The following ELAVL2 variants were observed in gnomAD, a reference collection of about 807,000 sequenced individuals.
ELAVL2 encodes ELAV like RNA binding protein 2, also known as ELAV-like protein 2.
ELAVL2 carries 4 observed loss-of-function variants against 34.6 expected under a neutral mutation model. The ratio of observed to expected loss-of-function variants is 0.12; its 90% CI spans 0.06 to 0.26. The LOEUF (loss-of-function observed/expected upper bound fraction) is 0.26. Among genes scored for constraint, ELAVL2 ranks in the 10% least tolerant of loss-of-function variants. The probability of loss-of-function intolerance (pLI) is 1.00; values close to 1 mark genes in which losing one functional copy is unlikely to be tolerated. For synonymous variants in ELAVL2, 193 were observed against 154.8 expected, an observed-to-expected ratio of 1.25 and a Z score of -1.83; for missense variants, 432 against 442.8, an observed-to-expected ratio of 0.98 and a Z score of 0.22.
chr9:23,819,428 G>C (rs2064206452), intron 1 of ELAVL2, among the ~76,000 whole-genome samples: 1 of 152,166 alleles, frequency 6.6e-6, no homozygotes. Flanking sequence ...TTGACACTGA[G>C]TGTCAAAAGA....
chr9:23,834,565 G>T, the ELAVL2 span, among the ~76,000 whole-genome samples: 1 of 151,944 alleles, frequency 6.6e-6, no homozygotes, highest in African/African-American at 2.4e-5. Flanking sequence ...TCAATAGATG[G>T]TAACTACAAT....
At chr9:23,757,607 C>T (rs1278899172) in intron 2 of ELAVL2, among the ~76,000 whole-genome samples, 1 of 151,448 alleles carries the variant, frequency 6.6e-6, no homozygotes, top group Non-Finnish European at 1.5e-5. Context: ...TCAAGGACTC[C>T]CAAGTGCATT....
At chr9:23,821,946 C>T (rs1250073378) in intron 1 of ELAVL2, 3 of 151,410 alleles carry the variant, frequency 2.0e-5, no homozygotes, top group Non-Finnish European at 4.4e-5. Context: ...CGTGCCCTGC[C>T]CGACCGCCCT....
chr9:23,784,754 C>T (rs2059482123), intron 1 of ELAVL2, among the ~76,000 whole-genome samples: 2 of 152,186 alleles, frequency 1.3e-5, no homozygotes, highest in African/African-American at 4.8e-5. Context: ...CAACCTGTAA[C>T]TCCCATTACA....
intron 1 of ELAVL2, among the ~76,000 whole-genome samples, chr9:23,808,060 A>C (rs1182905161): frequency 2.0e-5 from 3 of 152,156 alleles, no homozygotes; most frequent in African/African-American, 4.8e-5. Flanking sequence ...CTAGGACTCA[A>C]AGTTCACCAT....
chr9:23,738,196 T>C (rs2048337841), intron 2 of ELAVL2, among the ~76,000 whole-genome samples: 1 of 152,226 alleles, frequency 6.6e-6, no homozygotes, highest in Non-Finnish European at 1.5e-5. Flanking sequence ...ATATCTCAGA[T>C]CTGATACACA....
chr9:23,699,866 T>C (rs2036594082), intron 5 of ELAVL2, among the ~76,000 whole-genome samples: 1 of 140,520 alleles, frequency 7.1e-6, no homozygotes, highest in African/African-American at 2.7e-5. Context: ...ACCAATGCCT[T>C]TTCCTCACAG....
At chr9:23,747,274 G>T (rs560877932) in intron 2 of ELAVL2, among the ~76,000 whole-genome samples, 4 of 152,222 alleles carry the variant, frequency 2.6e-5, no homozygotes, top group African/African-American at 7.2e-5. Context: ...GCAGGAAGGT[G>T]CAAAATTTAA....
intron 1 of ELAVL2, among the ~76,000 whole-genome samples, chr9:23,773,469 T>G (rs1451408774): frequency 6.6e-6 from 1 of 152,152 alleles, no homozygotes; most frequent in Non-Finnish European, 1.5e-5. Flanking sequence ...AAAGCACATT[T>G]GAAACGAACG....
At chr9:23,811,317 G>C (rs3793597) in intron 1 of ELAVL2, among the ~76,000 whole-genome samples, 5 of 149,696 alleles carry the variant, frequency 3.3e-5, no homozygotes, top group South Asian at 2.1e-4. Flanking sequence ...CAAGCTGTTC[G>C]ATCACCTTTC....
At chr9:23,809,983 C>G (rs950862570) in intron 1 of ELAVL2, among the ~76,000 whole-genome samples, 4 of 152,154 alleles carry the variant, frequency 2.6e-5, no homozygotes, top group Middle Eastern at 3.4e-3. Flanking sequence ...CCATTTTTTT[C>G]TCAGAACAAA....
At chr9:23,735,125 A>AAAAAAAAAAAAAAAAAAAAAAAAAAAC (rs2047547515) in intron 2 of ELAVL2, 1 of 148,230 alleles carries the variant, frequency 6.7e-6, no homozygotes, top group African/African-American at 2.5e-5. Flanking sequence ...AAAAAAAAAA[A>AAAAAAAAAAAAAAAAAAAAAAAAAAAC]AAGCCCTTAA....
At chr9:23,707,462 T>G (rs1407347538) in intron 3 of ELAVL2, among the ~76,000 whole-genome samples, 1 of 152,116 alleles carries the variant, frequency 6.6e-6, no homozygotes, top group Non-Finnish European at 1.5e-5. Context: ...GTACTCCCAT[T>G]ATGAACAGCC....
intron 1 of ELAVL2, among the ~76,000 whole-genome samples, chr9:23,816,340 AAAAAAAG>A (rs1391683470): frequency 4.0e-5 from 6 of 149,694 alleles, no homozygotes; most frequent in Admixed American, 2.0e-4. Context: ...AAAAAAAAAA[AAAAAAAG>A]GGGATAAAAA....
At chr9:23,820,138 G>A (rs1340301302) in intron 1 of ELAVL2, among the ~76,000 whole-genome samples, 1 of 152,184 alleles carries the variant, frequency 6.6e-6, no homozygotes, top group Non-Finnish European at 1.5e-5. Flanking sequence ...AGCGACTCTG[G>A]CGAAACGATT....
Position 23,788,592 on chromosome 9 carries a change from G to A in ELAVL2, c.-15-26343C>T, listed in dbSNP as rs543976472. Among the ~76,000 whole-genome samples the A allele has an allele frequency of 9.9e-5, 15 of 152,242 alleles. No homozygotes were observed. In the South Asian group the frequency reaches 2.3e-3, roughly 23 times the overall value. On this transcript the variant is annotated intron_variant, in intron 1 of 6. Transcript: ENST00000397312. ...AGTTATGTATATGTGATCTCTCAGC[G>A]TATTTAGTTTTCTTTAAGTCGAGAA...
chr9:23,740,692 T>G (rs1258512179), intron 2 of ELAVL2, among the ~76,000 whole-genome samples: 1 of 151,298 alleles, frequency 6.6e-6, no homozygotes, highest in African/African-American at 2.4e-5. Flanking sequence ...ATCCTGCAGG[T>G]GCACAAACCA....
At chr9:23,847,425 G>T in the ELAVL2 span, 8 of 152,000 alleles carry the variant, frequency 5.3e-5, no homozygotes, top group East Asian at 1.4e-3. Flanking sequence ...CACTGTCATT[G>T]GAATCAATGA....
intron 4 of ELAVL2, among the ~76,000 whole-genome samples, chr9:23,702,953 A>C (rs2037848625): frequency 1.8e-5 from 1 of 56,144 alleles, no homozygotes. Context: ...CAGATTAGCA[A>C]AAAAAAAAAA....
Sources: allele counts gnomAD v4.1 joint callset (sites outside exome capture counted in the v4.1 genomes callset), GRCh38; gene constraint gnomAD v4.1.1; transcripts MANE v1.5; gene names NCBI Gene and HGNC (gene_info 2026-07-23, HGNC 2026-07-21).